The following DLG2 variants were observed in gnomAD, a reference collection of about 807,000 sequenced individuals.
DLG2 encodes disks large homolog 2.
In DLG2, 45 loss-of-function variants were observed where a neutral mutation model predicts 132.5. That is an observed-to-expected ratio of 0.34 (90% CI 0.27 to 0.44). The LOEUF (loss-of-function observed/expected upper bound fraction) is 0.44, where lower values mean the gene tolerates loss of function less well. Among genes scored for constraint, DLG2 ranks in the 20% least tolerant of loss-of-function variants. The pLI is 1.00. For synonymous variants in DLG2, 424 were observed against 419.6 expected (o/e 1.01, Z -0.13); for missense variants, 1,045 against 1,196.9 (o/e 0.87, Z 1.87).
chr11:85,584,061 A>G (rs1201716264), intron 3 of DLG2, among the ~76,000 whole-genome samples: 1 of 152,044 alleles, frequency 6.6e-6, no homozygotes, highest in East Asian at 1.9e-4. Flanking sequence ...TACTGCATGG[A>G]AAAGTAATTT....
chr11:83,985,692 C>T (rs1460795175), intron 11 of DLG2, among the ~76,000 whole-genome samples: 3 of 152,102 alleles, frequency 2.0e-5, no homozygotes, highest in Non-Finnish European at 4.4e-5. Flanking sequence ...TGATCTCATT[C>T]CTTTTTATGG....
At chr11:85,620,163 A>G (rs933338458) in intron 2 of DLG2, among the ~76,000 whole-genome samples, 1 of 152,200 alleles carries the variant, frequency 6.6e-6, no homozygotes, top group African/African-American at 2.4e-5. Context: ...TTTATTTGTT[A>G]CAGTGATCTG....
chr11:85,185,259 A>G (rs2080008761), intron 4 of DLG2, among the ~76,000 whole-genome samples: 1 of 151,976 alleles, frequency 6.6e-6, no homozygotes, highest in South Asian at 2.1e-4. Flanking sequence ...CAAAATGTCT[A>G]TTCTATCTGC....
intron 8 of DLG2, among the ~76,000 whole-genome samples, chr11:84,215,903 T>A (rs1254685372): frequency 6.6e-6 from 1 of 152,220 alleles, no homozygotes; most frequent in Non-Finnish European, 1.5e-5. Flanking sequence ...CTTAATGAAT[T>A]CCAGAAGTAG....
At chr11:83,488,086 T>G (rs1489338751) in intron 21 of DLG2, among the ~76,000 whole-genome samples, 1 of 152,036 alleles carries the variant, frequency 6.6e-6, no homozygotes, top group East Asian at 1.9e-4. Flanking sequence ...TATATCTCAA[T>G]AAAGCCATTT....
intron 21 of DLG2, chr11:83,486,272 A>G (rs79795334): frequency 2.9e-6 from 2 of 686,078 alleles, no homozygotes; most frequent in Non-Finnish European, 5.3e-6. Flanking sequence ...AAGAAAAAAA[A>G]TCATGTAAGA....
intron 15 of DLG2, among the ~76,000 whole-genome samples, chr11:83,912,089 C>T (rs1440678172): frequency 2.0e-5 from 3 of 151,508 alleles, no homozygotes; most frequent in Non-Finnish European, 4.4e-5. Flanking sequence ...TATCAGCATA[C>T]AAGGGCTGTC....
intron 9 of DLG2, among the ~76,000 whole-genome samples, chr11:84,138,779 T>A (rs1301052709): frequency 1.3e-5 from 2 of 152,104 alleles, no homozygotes; most frequent in East Asian, 3.9e-4. Flanking sequence ...TGAAACTCCA[T>A]CTCTACTAAA....
intron 3 of DLG2, among the ~76,000 whole-genome samples, chr11:85,312,207 T>C (rs1361313123): frequency 6.6e-6 from 1 of 151,938 alleles, no homozygotes; most frequent in African/African-American, 2.4e-5. Flanking sequence ...TTGTGTCTTA[T>C]TCAGTTTTGT....
chr11:83,727,944 G>A (rs1015500012), intron 18 of DLG2, among the ~76,000 whole-genome samples: 5 of 152,140 alleles, frequency 3.3e-5, no homozygotes, highest in Non-Finnish European at 5.9e-5. Context: ...AGATTGGAGA[G>A]TTCAGCCAAA....
At chr11:84,896,868 T>C (rs895574003) in intron 6 of DLG2, among the ~76,000 whole-genome samples, 1 of 151,640 alleles carries the variant, frequency 6.6e-6, no homozygotes, top group Non-Finnish European at 1.5e-5. Flanking sequence ...TATGTATGCA[T>C]AGCTGGAAAA....
At chr11:84,423,315 G>T (rs889955728) in intron 7 of DLG2, among the ~76,000 whole-genome samples, 1 of 151,994 alleles carries the variant, frequency 6.6e-6, no homozygotes, top group Non-Finnish European at 1.5e-5. Flanking sequence ...ATAACTAAAT[G>T]ATATTTTGTC....
chr11:83,884,708 G>C (rs1325562643), intron 15 of DLG2, among the ~76,000 whole-genome samples: 6 of 152,184 alleles, frequency 3.9e-5, no homozygotes, highest in Admixed American at 3.9e-4. Flanking sequence ...AGTAGGGGCA[G>C]ACTGACACCT....
At chr11:83,491,332 A>G (rs1178398102) in intron 21 of DLG2, among the ~76,000 whole-genome samples, 1 of 152,054 alleles carries the variant, frequency 6.6e-6, no homozygotes, top group Non-Finnish European at 1.5e-5. Context: ...TGGGTTCATT[A>G]TTTATGAAAC....
chr11:84,858,406 T>C (rs187944791), intron 6 of DLG2, among the ~76,000 whole-genome samples: 82 of 152,150 alleles, frequency 5.4e-4, no homozygotes, highest in Admixed American at 5.4e-3. Context: ...GGGAAGATGG[T>C]AGAGTGAGAT....
At chr11:83,916,648 T>G (rs1041280248) in intron 15 of DLG2, among the ~76,000 whole-genome samples, 1 of 152,168 alleles carries the variant, frequency 6.6e-6, no homozygotes, top group Admixed American at 6.6e-5. Context: ...AACTTAAACA[T>G]GCTTACAGAC....
chr11:85,164,878 C>T (rs1354645782), intron 4 of DLG2, among the ~76,000 whole-genome samples: 1 of 152,156 alleles, frequency 6.6e-6, no homozygotes, highest in Non-Finnish European at 1.5e-5. Flanking sequence ...ACTCCTGAGC[C>T]ACTTTCTTAC....
intron 18 of DLG2, among the ~76,000 whole-genome samples, chr11:83,675,535 C>T (rs2077532320): frequency 6.6e-6 from 1 of 152,126 alleles, no homozygotes; most frequent in African/African-American, 2.4e-5. Context: ...TACAATAATT[C>T]TTGAGCCTGG....
rs561926224 is a variant in DLG2 at position 84,786,565 on chromosome 11, G to A, written c.358-251834C>T. ...ACTGAGCTCCCTATTTCTCTGTTCC[G>A]CCTTCCGTCCACTCATGTAAACACT... On this transcript the variant is annotated intron_variant, in intron 6 of 27. Transcript: ENST00000376104. Among the ~76,000 whole-genome samples, 60 of 152,182 alleles carry A rather than the reference G, an allele frequency of 3.9e-4. 1 individual carries two copies. The highest frequency in any genetic ancestry group is 8.3e-4 in the South Asian group (4 of 4,820).
Sources: allele counts gnomAD v4.1 joint callset (sites outside exome capture counted in the v4.1 genomes callset), GRCh38; gene constraint gnomAD v4.1.1; transcripts MANE v1.5; gene names NCBI Gene and HGNC (gene_info 2026-07-23, HGNC 2026-07-21).